Variants in PDE10A observed in about 807,000 individuals in gnomAD.
PDE10A encodes cAMP and cAMP-inhibited cGMP 3',5'-cyclic phosphodiesterase 10A.
In PDE10A, 39 loss-of-function variants were observed where a neutral mutation model predicts 97.7. The ratio of observed to expected loss-of-function variants is 0.40; its 90% confidence interval spans 0.31 to 0.52. The LOEUF is 0.52. PDE10A is among the 20% of genes least tolerant of loss of function. The pLI, the probability that PDE10A is intolerant of heterozygous loss-of-function variation, is 0.56. For missense variants in PDE10A, 731 were observed against 1,047.8 expected (o/e 0.70, Z 4.17); for synonymous variants, 371 against 376.8 (o/e 0.98, Z 0.18).
intron 1 of PDE10A, among the ~76,000 whole-genome samples, chr6:165,957,125 G>A (rs1322924657): frequency 6.6e-6 from 1 of 152,194 alleles, no homozygotes; most frequent in Admixed American, 6.5e-5. Flanking sequence ...TGCCAGATAT[G>A]AGGGTAGGGG....
chr6:165,979,710 G>A (rs1784954222), intron 1 of PDE10A, among the ~76,000 whole-genome samples: 1 of 152,134 alleles, frequency 6.6e-6, no homozygotes, highest in Non-Finnish European at 1.5e-5. Context: ...TCACAGTTAA[G>A]ACACCACCAC....
At chr6:165,590,984 T>C (rs1189426322) in intron 1 of PDE10A, among the ~76,000 whole-genome samples, 1 of 152,172 alleles carries the variant, frequency 6.6e-6, no homozygotes, top group Admixed American at 6.5e-5. Flanking sequence ...GCTAACAAAG[T>C]ATTTAAATCA....
intron 1 of PDE10A, among the ~76,000 whole-genome samples, chr6:165,773,898 G>A (rs1461718185): frequency 1.3e-5 from 2 of 151,878 alleles, no homozygotes; most frequent in African/African-American, 4.8e-5. Context: ...AAAGTAACAT[G>A]TATTACAACT....
At chr6:165,505,503 TATG>T (rs1433560675) in intron 2 of PDE10A, among the ~76,000 whole-genome samples, 2 of 152,210 alleles carry the variant, frequency 1.3e-5, no homozygotes, top group African/African-American at 4.8e-5. Context: ...ATATTACTAA[TATG>T]ATACTTTTTT....
chr6:165,620,370 C>A (rs1398031263), intron 1 of PDE10A, among the ~76,000 whole-genome samples: 1 of 152,046 alleles, frequency 6.6e-6, no homozygotes, highest in African/African-American at 2.4e-5. Flanking sequence ...TCGTAAGTAT[C>A]TGAGTAAAAT....
chr6:165,612,606 G>A (rs1408241134), intron 1 of PDE10A, among the ~76,000 whole-genome samples: 1 of 152,132 alleles, frequency 6.6e-6, no homozygotes, highest in Non-Finnish European at 1.5e-5. Context: ...CTGACCTCAG[G>A]TGATCTACTT....
chr6:165,663,259 C>T (rs978935245), upstream of PDE10A, among the ~76,000 whole-genome samples: 7 of 147,926 alleles, frequency 4.7e-5, no homozygotes, highest in African/African-American at 1.8e-4. Context: ...CAGGCGCTCC[C>T]CACGCCGCCG....
Position 165,841,418 on chromosome 6 carries a change from T to C in PDE10A, c.-615+146111A>G, listed in dbSNP as rs1780255859. 2.6e-5 allele frequency among the ~76,000 whole-genome samples: 4 copies of C among 152,350 alleles called. No homozygotes were observed. In the South Asian group the frequency reaches 8.3e-4, roughly 32 times the overall value. ...TCGCTTGCTGGCTTCTTGGTGTGGA[T>C]GTTGCAGTTGGGGCCAGCTTGGGCA... On this transcript the variant is annotated intron_variant, in intron 1 of 19. Coordinates refer to the PDE10A transcript ENST00000366882.
At chr6:165,571,442 A>G (rs1785045554) in intron 1 of PDE10A, among the ~76,000 whole-genome samples, 1 of 152,222 alleles carries the variant, frequency 6.6e-6, no homozygotes, top group Non-Finnish European at 1.5e-5. Flanking sequence ...AAACATTCCT[A>G]TGCTTGAGAG....
intron 18 of PDE10A, among the ~76,000 whole-genome samples, chr6:165,353,499 T>C (rs555729520): frequency 3.3e-5 from 5 of 152,228 alleles, no homozygotes; most frequent in African/African-American, 9.6e-5. Flanking sequence ...CTTCAGTAGA[T>C]GAATGGGTAA....
intron 18 of PDE10A, among the ~76,000 whole-genome samples, chr6:165,376,312 T>G (rs1784599785): frequency 6.6e-6 from 1 of 152,218 alleles, no homozygotes; most frequent in Non-Finnish European, 1.5e-5. Context: ...TGATGACTGA[T>G]GCAATCATGA....
At chr6:165,349,857 C>CA (rs1413297620) in intron 18 of PDE10A, among the ~76,000 whole-genome samples, 10 of 152,286 alleles carry the variant, frequency 6.6e-5, no homozygotes, top group African/African-American at 1.9e-4. Flanking sequence ...TGGTGGCTTA[C>CA]ATGTGGTGTT....
intron 1 of PDE10A, among the ~76,000 whole-genome samples, chr6:165,796,303 G>C (rs1273528481): frequency 6.6e-6 from 1 of 151,922 alleles, no homozygotes; most frequent in East Asian, 1.9e-4. Flanking sequence ...AGCCAGGATG[G>C]TCTCTATCTC....
chr6:165,837,659 GTTTTTTT>G (rs386409265), intron 1 of PDE10A, among the ~76,000 whole-genome samples: 1 of 83,488 alleles, frequency 1.2e-5, no homozygotes, highest in Non-Finnish European at 2.2e-5. Context: ...ATCTCTCCTG[GTTTTTTT>G]TTTTTTTTTT....
intron 1 of PDE10A, among the ~76,000 whole-genome samples, chr6:165,563,592 C>T (rs1424127509): frequency 6.6e-6 from 1 of 152,000 alleles, no homozygotes; most frequent in African/African-American, 2.4e-5. Context: ...AACCATGGCT[C>T]AAAAATGGTA....
At chr6:165,361,591 T>C (rs1228064475) in intron 18 of PDE10A, among the ~76,000 whole-genome samples, 1 of 152,092 alleles carries the variant, frequency 6.6e-6, no homozygotes, top group Admixed American at 6.5e-5. Flanking sequence ...TAATACAATA[T>C]GACTGGTGTC....
chr6:165,423,614 T>C (rs1421359844), intron 10 of PDE10A, among the ~76,000 whole-genome samples: 9 of 152,260 alleles, frequency 5.9e-5, no homozygotes, highest in Non-Finnish European at 4.4e-5. Flanking sequence ...ACGCCTGTAA[T>C]CCCAACACTT....
chr6:165,709,367 G>A (rs370615983), intron 1 of PDE10A, among the ~76,000 whole-genome samples: 13 of 115,482 alleles, frequency 1.1e-4, no homozygotes, highest in East Asian at 5.4e-4. Context: ...ATGCTGCCGC[G>A]CTCTCCCCGT....
At chr6:165,893,965 T>C (rs1205053003) in intron 1 of PDE10A, among the ~76,000 whole-genome samples, 1 of 152,154 alleles carries the variant, frequency 6.6e-6, no homozygotes, top group Non-Finnish European at 1.5e-5. Context: ...AGATTCTTTA[T>C]CTGTGGCTGG....
Sources: allele counts gnomAD v4.1 joint callset (sites outside exome capture counted in the v4.1 genomes callset), GRCh38; gene constraint gnomAD v4.1.1; transcripts MANE v1.5; gene names NCBI Gene and HGNC (gene_info 2026-07-23, HGNC 2026-07-21).